Variants in TANC2 observed in about 807,000 individuals in gnomAD.
TANC2 encodes the protein protein TANC2.
TANC2 carries 26 observed loss-of-function variants against 210.5 expected under a neutral mutation model. The ratio of observed to expected loss-of-function variants is 0.12; its 90% CI spans 0.09 to 0.17. The LOEUF is 0.17. Ranked by LOEUF, TANC2 falls within the 10% of genes least tolerant of loss-of-function variation. The pLI, the probability that TANC2 is intolerant of heterozygous loss-of-function variation, is 1.00. For synonymous variants in TANC2, 931 were observed against 967.1 expected (o/e 0.96, Z 0.69); for missense variants, 2,129 against 2,608.9 (o/e 0.82, Z 4.01).
intron 15 of TANC2, among the ~76,000 whole-genome samples, chr17:63,380,088 G>A (rs1431402165): frequency 6.6e-6 from 1 of 152,096 alleles, no homozygotes; most frequent in Non-Finnish European, 1.5e-5. Context: ...ATAGATGTGT[G>A]CTCCATACAT....
At chr17:63,207,017 CCTT>C (rs1213552756) in intron 7 of TANC2, among the ~76,000 whole-genome samples, 6 of 151,940 alleles carry the variant, frequency 3.9e-5, no homozygotes, top group Non-Finnish European at 8.8e-5. Flanking sequence ...TATGCTAAAG[CCTT>C]CTTCTGTATC....
intron 4 of TANC2, among the ~76,000 whole-genome samples, chr17:63,115,106 T>C (rs926083261): frequency 1.3e-5 from 2 of 152,312 alleles, no homozygotes; most frequent in African/African-American, 4.8e-5. Context: ...ACCTAAGATA[T>C]TGAATAATTA....
chr17:63,245,641 G>A (rs2042894383), intron 8 of TANC2, among the ~76,000 whole-genome samples: 1 of 152,042 alleles, frequency 6.6e-6, no homozygotes, highest in Non-Finnish European at 1.5e-5. Context: ...AGGAGTTCAA[G>A]ACCAGCCTGG....
At chr17:63,055,711 A>G (rs529475403) in intron 2 of TANC2, among the ~76,000 whole-genome samples, 4 of 150,136 alleles carry the variant, frequency 2.7e-5, no homozygotes, top group African/African-American at 9.8e-5. Context: ...AGATGCAAAT[A>G]TTATGTGAAG....
intron 4 of TANC2, among the ~76,000 whole-genome samples, chr17:63,139,799 G>A (rs890289331): frequency 1.3e-5 from 2 of 152,166 alleles, no homozygotes; most frequent in Non-Finnish European, 2.9e-5. Flanking sequence ...AGCTACTCAG[G>A]AGGCAGAGGT....
chr17:63,342,620 C>G (rs2046271356), intron 12 of TANC2, among the ~76,000 whole-genome samples: 1 of 151,958 alleles, frequency 6.6e-6, no homozygotes, highest in Non-Finnish European at 1.5e-5. Flanking sequence ...ACTAAAAATA[C>G]AAAAAATTAG....
chr17:63,326,642 AT>A (rs1373895837), intron 11 of TANC2, among the ~76,000 whole-genome samples: 1 of 152,026 alleles, frequency 6.6e-6, no homozygotes, highest in Non-Finnish European at 1.5e-5. Flanking sequence ...AGGTGGAAGG[AT>A]TGCTTGAGCC....
At chr17:63,396,925 A>G (rs2048181588) in intron 18 of TANC2, 1 of 152,090 alleles carries the variant, frequency 6.6e-6, no homozygotes, top group Non-Finnish European at 1.5e-5. Flanking sequence ...ACACCATGAA[A>G]CAAACCTGTA....
intron 2 of TANC2, among the ~76,000 whole-genome samples, chr17:63,044,979 C>G (rs2035323494): frequency 6.6e-6 from 1 of 152,152 alleles, no homozygotes; most frequent in African/African-American, 2.4e-5. Flanking sequence ...GTTCAGCAAA[C>G]TGTAGCCCAT....
intron 2 of TANC2, among the ~76,000 whole-genome samples, chr17:63,042,573 A>G (rs1443546217): frequency 2.0e-5 from 3 of 152,118 alleles, no homozygotes; most frequent in East Asian, 3.8e-4. Flanking sequence ...TGACTGTTGT[A>G]TAAGCTGTTT....
rs116978389 is a variant in TANC2 at position 63,026,463 on chromosome 17, G to T, written c.67+16837G>T. Among the ~76,000 whole-genome samples the T allele has an allele frequency of 3.1e-3, 472 of 152,296 alleles. 4 individuals carry two copies. Among genetic ancestry groups the T allele is most frequent in the East Asian group, 0.031 (160 of 5,178 alleles). ...CAATGAAAAGGCTCAAGAAGTGACAGTAGGAATAAAGAGACAGAGGATACA... is the reference window on the plus strand; with the variant it reads ...CAATGAAAAGGCTCAAGAAGTGACATTAGGAATAAAGAGACAGAGGATACA... On this transcript the variant is annotated intron_variant, in intron 2 of 27. Transcript: ENST00000689528.
intron 4 of TANC2, among the ~76,000 whole-genome samples, chr17:63,147,150 T>A (rs1385150008): frequency 2.6e-5 from 4 of 151,308 alleles, no homozygotes; most frequent in African/African-American, 7.3e-5. Flanking sequence ...CTGGGCAACA[T>A]GGCAAAACTC....
intron 2 of TANC2, among the ~76,000 whole-genome samples, chr17:63,071,080 T>C (rs1201997974): frequency 1.3e-5 from 2 of 152,218 alleles, no homozygotes; most frequent in Admixed American, 6.5e-5. Context: ...TATCGTATTT[T>C]CACACTGTAA....
intron 5 of TANC2, among the ~76,000 whole-genome samples, chr17:63,162,229 AG>A (rs1313453730): frequency 2.0e-5 from 3 of 151,624 alleles, no homozygotes; most frequent in African/African-American, 7.3e-5. Context: ...ACTTGAACCC[AG>A]GAGTTTGAGG....
intron 9 of TANC2, among the ~76,000 whole-genome samples, chr17:63,300,222 C>A (rs889727452): frequency 6.6e-6 from 1 of 152,128 alleles, no homozygotes; most frequent in African/African-American, 2.4e-5. Context: ...AGCATGATGC[C>A]TCCAGCTTTG....
At chr17:63,010,844 C>T (rs1386928175) in intron 2 of TANC2, among the ~76,000 whole-genome samples, 4 of 152,066 alleles carry the variant, frequency 2.6e-5, no homozygotes, top group African/African-American at 9.7e-5. Flanking sequence ...GGGAAAGGGC[C>T]CTGGGCTTCC....
At chr17:63,137,969 T>C (rs1179431763) in intron 4 of TANC2, among the ~76,000 whole-genome samples, 1 of 152,160 alleles carries the variant, frequency 6.6e-6, no homozygotes, top group African/African-American at 2.4e-5. Flanking sequence ...ATAAAACCTG[T>C]TCTCCATTTT....
At chr17:63,363,081 G>A (rs2047012543) in intron 14 of TANC2, among the ~76,000 whole-genome samples, 1 of 152,176 alleles carries the variant, frequency 6.6e-6, no homozygotes, top group Non-Finnish European at 1.5e-5. Context: ...GGGATGAGAT[G>A]ATATCTCGTG....
intron 5 of TANC2, among the ~76,000 whole-genome samples, chr17:63,174,375 GT>G (rs1459358526): frequency 6.6e-6 from 1 of 152,124 alleles, no homozygotes; most frequent in Non-Finnish European, 1.5e-5. Context: ...CTGGAATTAA[GT>G]TGGAAAACAC....
Sources: gnomAD v4.1 joint callset for allele counts (sites outside exome capture counted in the v4.1 genomes callset) on GRCh38, gnomAD v4.1.1 for gene constraint, MANE v1.5 for transcripts, NCBI Gene and HGNC (gene_info 2026-07-23, HGNC 2026-07-21) for gene names.